Variants in COMMD10 observed in about 807,000 individuals in gnomAD.
COMMD10 encodes the protein COMM domain-containing protein 10.
In COMMD10, 33 loss-of-function variants were observed where a neutral mutation model predicts 28.9. The observed-to-expected ratio is 1.14, with a 90% confidence interval of 0.87 to 1.53. COMMD10 has a LOEUF of 1.53. Among genes scored for constraint, COMMD10 ranks in the 40% most tolerant of loss-of-function variants. COMMD10 has a pLI of 0.00. For synonymous variants in COMMD10, 110 were observed against 81.7 expected, an observed-to-expected ratio of 1.35 and a Z score of -1.87; for missense variants, 310 against 233.4, an observed-to-expected ratio of 1.33 and a Z score of -2.14.
chr5:116,290,971 T>G (rs1751344924), intron 5 of COMMD10, among the ~76,000 whole-genome samples: 1 of 152,146 alleles, frequency 6.6e-6, no homozygotes, highest in Non-Finnish European at 1.5e-5. Flanking sequence ...AAGAGAGTGT[T>G]TAAGTCCTGA....
intron 5 of COMMD10, among the ~76,000 whole-genome samples, chr5:116,234,270 G>A (rs970530572): frequency 1.3e-5 from 2 of 152,158 alleles, no homozygotes; most frequent in Admixed American, 6.5e-5. Flanking sequence ...GACAGAGAAA[G>A]CCATTGGACA....
chr5:116,237,608 G>A (rs1340629942), intron 5 of COMMD10, among the ~76,000 whole-genome samples: 2 of 152,086 alleles, frequency 1.3e-5, no homozygotes, highest in Non-Finnish European at 2.9e-5. Flanking sequence ...GCAAAAGTTT[G>A]AGGCTAGCCT....
At chr5:116,173,622 C>G (rs796512530) in intron 5 of COMMD10, among the ~76,000 whole-genome samples, 9 of 152,110 alleles carry the variant, frequency 5.9e-5, no homozygotes, top group African/African-American at 1.2e-4. Context: ...TAATTTTTAC[C>G]TCTTCAGCTA....
At chr5:116,241,862 C>A (rs1366108229) in intron 5 of COMMD10, among the ~76,000 whole-genome samples, 1 of 152,052 alleles carries the variant, frequency 6.6e-6, no homozygotes, top group Non-Finnish European at 1.5e-5. Flanking sequence ...CGTGATCCAC[C>A]CACCTCGGCC....
At chr5:116,147,719 C>A (rs1752393705) in intron 5 of COMMD10, among the ~76,000 whole-genome samples, 1 of 151,642 alleles carries the variant, frequency 6.6e-6, no homozygotes, top group Non-Finnish European at 1.5e-5. Context: ...GTTTAAAGAA[C>A]CTTGATTTTG....
chr5:116,146,853 TTATTC>T (rs1242752356), intron 5 of COMMD10, among the ~76,000 whole-genome samples: 16 of 152,026 alleles, frequency 1.1e-4, no homozygotes, highest in Admixed American at 7.9e-4. Context: ...GAAGGGAAGA[TTATTC>T]TATTAAGTTT....
At chr5:116,233,244 T>G (rs1243919258) in intron 5 of COMMD10, among the ~76,000 whole-genome samples, 1 of 152,152 alleles carries the variant, frequency 6.6e-6, no homozygotes, top group Non-Finnish European at 1.5e-5. Context: ...TGACTCTTAT[T>G]ACAGTATATA....
At chr5:116,197,705 CAG>C (rs1275380654) in intron 5 of COMMD10, among the ~76,000 whole-genome samples, 2 of 151,988 alleles carry the variant, frequency 1.3e-5, no homozygotes, top group Non-Finnish European at 2.9e-5. Flanking sequence ...GTCTTTGAAA[CAG>C]AAAATTCATG....
intron 5 of COMMD10, among the ~76,000 whole-genome samples, chr5:116,196,212 T>TG (rs1748516232): frequency 6.6e-6 from 1 of 151,634 alleles, no homozygotes; most frequent in Non-Finnish European, 1.5e-5. Flanking sequence ...AACCAACGAG[T>TG]GGAGACTATT....
At chr5:116,184,111 A>G (rs568737063) in intron 5 of COMMD10, among the ~76,000 whole-genome samples, 16 of 152,164 alleles carry the variant, frequency 1.1e-4, no homozygotes, top group African/African-American at 3.9e-4. Context: ...TAGTGAAAGA[A>G]GTTTTATAGA....
At chr5:116,272,847 G>T (rs1750796216) in intron 5 of COMMD10, among the ~76,000 whole-genome samples, 1 of 151,674 alleles carries the variant, frequency 6.6e-6, no homozygotes, top group Non-Finnish European at 1.5e-5. Flanking sequence ...GTTGGCTCTG[G>T]TTTCTGCTCT....
intron 4 of COMMD10, among the ~76,000 whole-genome samples, chr5:116,130,269 G>T (rs1399932475): frequency 6.6e-6 from 1 of 151,844 alleles, no homozygotes; most frequent in Non-Finnish European, 1.5e-5. Context: ...AAAATCCTTT[G>T]TTCTCAAGGA....
chr5:116,112,544 G>C (rs1016369275), intron 4 of COMMD10, among the ~76,000 whole-genome samples: 6 of 151,962 alleles, frequency 3.9e-5, no homozygotes, highest in Non-Finnish European at 5.9e-5. Context: ...CTGTATATAG[G>C]TGCGCGCCAC....
rs970247685 is a variant in COMMD10 at position 116,103,400 on chromosome 5, T to C, written c.399+10700T>C. 7.9e-5 allele frequency among the ~76,000 whole-genome samples: 12 copies of C among 152,256 alleles called. No homozygotes were observed. In the East Asian group the frequency reaches 2.3e-3, roughly 29 times the overall value. On this transcript the variant is annotated intron_variant, in intron 4 of 6. Transcript: ENST00000274458. ...ATGGTATCTCATTGTGGTTTTGATTTGCATTTCTCTAATGACCAGTGGTGA... is the reference window on the plus strand; with the variant it reads ...ATGGTATCTCATTGTGGTTTTGATTCGCATTTCTCTAATGACCAGTGGTGA...
chr5:116,109,650 A>G (rs1422156505), intron 4 of COMMD10, among the ~76,000 whole-genome samples: 2 of 152,268 alleles, frequency 1.3e-5, no homozygotes, highest in South Asian at 2.1e-4. Flanking sequence ...GCCATTGTAA[A>G]TGGGATTGTT....
At chr5:116,203,241 GA>G (rs1314047347) in intron 5 of COMMD10, among the ~76,000 whole-genome samples, 1 of 152,104 alleles carries the variant, frequency 6.6e-6, no homozygotes, top group African/African-American at 2.4e-5. Flanking sequence ...GGGACTATGT[GA>G]AAAGACCAAA....
At chr5:116,275,536 G>A (rs1750883857) in intron 5 of COMMD10, among the ~76,000 whole-genome samples, 1 of 150,864 alleles carries the variant, frequency 6.6e-6, no homozygotes, top group Admixed American at 6.6e-5. Context: ...GTAAGCTCAA[G>A]GAAAACAAAG....
chr5:116,094,959 A>G (rs1227676367), intron 4 of COMMD10, among the ~76,000 whole-genome samples: 3 of 152,214 alleles, frequency 2.0e-5, no homozygotes, highest in Non-Finnish European at 2.9e-5. Context: ...TGGGAGCTAA[A>G]CAAGTTGATG....
intron 5 of COMMD10, among the ~76,000 whole-genome samples, chr5:116,224,401 TA>T (rs1171211479): frequency 1.3e-5 from 2 of 152,136 alleles, no homozygotes; most frequent in Non-Finnish European, 2.9e-5. Flanking sequence ...CTGGGTAATT[TA>T]CAAAGGAATG....
Sources: allele counts gnomAD v4.1 joint callset (sites outside exome capture counted in the v4.1 genomes callset), GRCh38; gene constraint gnomAD v4.1.1; transcripts MANE v1.5; gene names NCBI Gene and HGNC (gene_info 2026-07-23, HGNC 2026-07-21).